Variants in AP4E1 observed in about 807,000 individuals in gnomAD.
AP4E1 encodes AP-4 complex subunit epsilon-1.
A neutral mutation model predicts 128.2 loss-of-function variants in AP4E1; 56 were observed. The observed-to-expected ratio is 0.44, with a 90% CI of 0.35 to 0.55. AP4E1 has a LOEUF of 0.55. Among genes scored for constraint, AP4E1 ranks in the 20% least tolerant of loss-of-function variants. AP4E1 has a pLI of 0.00. For missense variants in AP4E1, 1,324 were observed against 1,307.7 expected (o/e 1.01, Z -0.19); for synonymous variants, 484 against 473.1 (o/e 1.02, Z -0.30).
chr15:50,913,777 A>G (rs1158745499), intron 2 of AP4E1, among the ~76,000 whole-genome samples: 2 of 152,028 alleles, frequency 1.3e-5, no homozygotes, highest in Non-Finnish European at 2.9e-5. Context: ...TTTTTTGTTT[A>G]TCTTTTGTTT....
At chr15:50,992,162 A>G (rs535515892) in intron 16 of AP4E1, among the ~76,000 whole-genome samples, 1 of 152,242 alleles carries the variant, frequency 6.6e-6, no homozygotes, top group South Asian at 2.1e-4. Context: ...TACCCTAGGA[A>G]TGTCAAAAAA....
intron 10 of AP4E1, among the ~76,000 whole-genome samples, chr15:50,947,550 C>G (rs549673439): frequency 3.3e-4 from 50 of 152,272 alleles, no homozygotes; most frequent in African/African-American, 1.2e-3. Context: ...AATTACCTAA[C>G]CCACTCAAGT....
In AP4E1 at chr15:50,944,943, A is replaced by G. The variant is rs1473115996; in HGVS notation, c.1177-3077A>G. On this transcript the variant is annotated intron_variant, in intron 10 of 20. Transcript: ENST00000261842. Reference sequence around the variant, plus strand: ...GTGTGATGGAGAGGTTAGAATTTGGAACCTGACTCAACAGAAATGTATCCA... The same window carrying G: ...GTGTGATGGAGAGGTTAGAATTTGGGACCTGACTCAACAGAAATGTATCCA... The G allele has an allele frequency of 1.7e-5, 13 of 771,314 alleles. 1 individual carries two copies. In the South Asian group the frequency reaches 1.7e-4, roughly 10 times the overall value. 47.8% of individuals were successfully genotyped at this position (771,314 alleles called of 1,614,324 possible). A position where few individuals can be genotyped will look rare whatever the true frequency, so the allele number is the denominator to read the frequency against.
At chr15:50,923,668 C>A (rs1008461285) in intron 3 of AP4E1, among the ~76,000 whole-genome samples, 6 of 152,090 alleles carry the variant, frequency 3.9e-5, no homozygotes, top group African/African-American at 1.4e-4. Context: ...TTCTTAGTGC[C>A]ATTTACAAGA....
At chr15:50,912,371 T>C (rs1259822286) in intron 2 of AP4E1, among the ~76,000 whole-genome samples, 1 of 152,254 alleles carries the variant, frequency 6.6e-6, no homozygotes, top group Non-Finnish European at 1.5e-5. Context: ...AATGTGATGA[T>C]GATTACATAA....
Position 50,971,434 on chromosome 15 carries a change from G to T in AP4E1, c.1966+3057G>T, listed in dbSNP as rs187967199. Among the ~76,000 whole-genome samples the T allele has an allele frequency of 1.5e-3, 233 of 152,178 alleles. 1 individual carries two copies. In the Middle Eastern group the frequency reaches 0.02, roughly 13 times the overall value. ...AATGTGCCACAAAAAGGACCTGCTTGGGGTTGAATCTGTTTGGGGTTCTTT... is the reference window on the plus strand; with the variant it reads ...AATGTGCCACAAAAAGGACCTGCTTTGGGTTGAATCTGTTTGGGGTTCTTT... On this transcript the variant is annotated intron_variant, in intron 15 of 20. Transcript: ENST00000261842.
chr15:50,964,955 C>CCCCACACACACACACA lies in AP4E1; in HGVS notation c.1852-3307_1852-3306insCCACACACACACACAC, dbSNP rs1555459128. Among the ~76,000 whole-genome samples, 53 of 131,460 alleles carry CCCCACACACACACACA rather than the reference C, an allele frequency of 4.0e-4. 1 individual carries two copies. The highest frequency in any genetic ancestry group is 5.5e-4 in the Admixed American group (7 of 12,794). 86.2% of individuals were successfully genotyped at this position (131,460 alleles called of 152,430 possible). A position where few individuals can be genotyped will look rare whatever the true frequency, so the allele number is the denominator to read the frequency against. On this transcript the variant is annotated intron_variant, in intron 14 of 20. Coordinates refer to ENST00000261842, the MANE Select transcript of AP4E1 (RefSeq NM_007347.5). ...TTGTAAAGTATAACACCTCCCCCTA[C>CCCCACACACACACACA]CACACACACACACACACACACACAC...
At chr15:50,920,766 C>T (rs1189688167) in intron 3 of AP4E1, among the ~76,000 whole-genome samples, 2 of 152,128 alleles carry the variant, frequency 1.3e-5, no homozygotes, top group Non-Finnish European at 2.9e-5. Context: ...TTAAAGCCTG[C>T]TTTGGTGCTT....
At chr15:50,929,235 A>G (rs1400875508) in intron 6 of AP4E1, 67 bp downstream of exon 6, 4 of 1,517,624 alleles carry the variant, frequency 2.6e-6, no homozygotes, top group African/African-American at 2.8e-5. Context: ...GGAATTAAAA[A>G]GAAACAGATA....
upstream of AP4E1, among the ~76,000 whole-genome samples, chr15:50,907,765 G>C (rs1379522701): frequency 6.6e-6 from 1 of 152,180 alleles, no homozygotes; most frequent in African/African-American, 2.4e-5. Context: ...CGTTATCAAT[G>C]TTGTTTTGAC....
chr15:50,985,236 A>G (rs1000024974), intron 16 of AP4E1, among the ~76,000 whole-genome samples: 12 of 152,096 alleles, frequency 7.9e-5, no homozygotes, highest in African/African-American at 2.9e-4. Context: ...TAGATTGCAA[A>G]AATTTTTTCC....
intron 1 of AP4E1, among the ~76,000 whole-genome samples, chr15:50,909,398 G>A (rs1399096050): frequency 6.6e-6 from 1 of 152,100 alleles, no homozygotes; most frequent in African/African-American, 2.4e-5. Context: ...CAGTTCAGAT[G>A]TCGCATACCT....
rs760922152 is a variant in AP4E1 at position 50,984,056 on chromosome 15, T to G, written c.2001T>G (p.Ser667=). 1.9e-6 allele frequency: 3 copies of G among 1,613,504 alleles called. No homozygotes were observed. The East Asian group carries it at 6.7e-5, about 36-fold the overall frequency. The change falls in exon 16 of 21, where the codon TCT becomes TCG. Residue 667 remains serine, a synonymous_variant. Transcript: ENST00000261842. The part of the protein sequence containing the change: ...LNFEPYGLSF[S]SSGFTGRQSP... The stretch of plus-strand genomic sequence containing the variant: ...TTGAACCATATGGACTCTCCTTTTC[T>G]TCATCTGGCTTCACTGGACGACAGT...
Position 50,975,227 on chromosome 15 carries a change from G to A in AP4E1, c.1966+6850G>A, listed in dbSNP as rs139353393. 5.0e-3 allele frequency among the ~76,000 whole-genome samples: 759 copies of A among 152,270 alleles called. 11 individuals are homozygous for A. Among genetic ancestry groups the A allele is most frequent in the African/African-American group, 0.018 (734 of 41,554 alleles). ...TCGAGACCAGCCAGACCAACATGGA[G>A]ATACCTCATCTCTACTGAAAATACA... On this transcript the variant is annotated intron_variant, in intron 15 of 20. Coordinates refer to ENST00000261842, the MANE Select transcript of AP4E1 (RefSeq NM_007347.5).
At chr15:50,972,595 G>A (rs2064495904) in intron 15 of AP4E1, among the ~76,000 whole-genome samples, 1 of 152,226 alleles carries the variant, frequency 6.6e-6, no homozygotes, top group Non-Finnish European at 1.5e-5. Context: ...TGATGGTGGT[G>A]TGGCTTCACC....
intron 13 of AP4E1, among the ~76,000 whole-genome samples, chr15:50,951,855 T>A (rs1011406101): frequency 4.0e-5 from 6 of 151,698 alleles, no homozygotes; most frequent in South Asian, 4.2e-4. Context: ...GCATCCCGAG[T>A]TGCTGGGATT....
chr15:50,981,522 A>T (rs76765882), intron 15 of AP4E1, among the ~76,000 whole-genome samples: 1,860 of 152,274 alleles, frequency 0.012, 58 homozygotes, highest in East Asian at 0.064. Flanking sequence ...TCTGATTTAG[A>T]TGTCTCTGGA....
At chr15:50,943,663 A>G (rs1233171800) in intron 10 of AP4E1, among the ~76,000 whole-genome samples, 2 of 152,214 alleles carry the variant, frequency 1.3e-5, no homozygotes, top group African/African-American at 4.8e-5. Context: ...GCTATTTGGT[A>G]GTCCCCACTT....
chr15:50,958,372 T>C, intron 13 of AP4E1, 120 bp from the exon 14 acceptor site: 1 of 797,186 alleles, frequency 1.3e-6, no homozygotes. Context: ...TTTTTCACCA[T>C]GAGAGGATGT....
Sources: allele counts gnomAD v4.1 joint callset (sites outside exome capture counted in the v4.1 genomes callset), GRCh38; gene constraint gnomAD v4.1.1; transcripts MANE v1.5; gene names NCBI Gene and HGNC (gene_info 2026-07-23, HGNC 2026-07-21).